Variants in RNF212 observed in about 807,000 individuals in gnomAD.
The protein encoded by RNF212 is probable E3 SUMO-protein ligase RNF212.
In RNF212, 33 loss-of-function variants were observed where a neutral mutation model predicts 34.7. The ratio of observed to expected loss-of-function variants is 0.95; its 90% CI spans 0.72 to 1.27. RNF212 has a LOEUF of 1.27. RNF212 is among the 50% of genes most tolerant of loss of function. The pLI is 0.00. For synonymous variants in RNF212, 140 were observed against 136.1 expected, an observed-to-expected ratio of 1.03 and a Z score of -0.20; for missense variants, 377 against 362.2, an observed-to-expected ratio of 1.04 and a Z score of -0.33.
chr4:1,063,010 A>G (rs1300920165), intron 3 of RNF212, among the ~76,000 whole-genome samples: 1 of 152,252 alleles, frequency 6.6e-6, no homozygotes, highest in Non-Finnish European at 1.5e-5. Flanking sequence ...GAAGTGCAAG[A>G]TTTCTTCACT....
intron 1 of RNF212, 47 bp downstream of exon 1, chr4:1,113,309 C>G: frequency 7.5e-7 from 1 of 1,331,982 alleles, no homozygotes; most frequent in Non-Finnish European, 1.0e-6. Flanking sequence ...CCCTGACCCC[C>G]TTGCCGCTCC....
intron 4 of RNF212, chr4:1,057,061 G>A (rs10003009): frequency 0.79 from 692,980 of 882,060 alleles, 273,596 homozygotes; most frequent in African/African-American, 0.94. Context: ...TGGTGACACG[G>A]TAGTTACAGC....
intron 8 of RNF212, among the ~76,000 whole-genome samples, chr4:1,077,389 G>T (rs546663978): frequency 6.6e-6 from 1 of 152,294 alleles, no homozygotes; most frequent in Admixed American, 6.5e-5. Flanking sequence ...TAGCCTGCCA[G>T]TCTTTTCTTT....
At chr4:1,093,256 C>A in intron 3 of RNF212, 1 of 542,874 alleles carries the variant, frequency 1.8e-6, no homozygotes, top group Non-Finnish European at 2.8e-6. Context: ...GAGAGCTTTG[C>A]TTATGTGGGT....
chr4:1,068,909 T>C (rs551244442), downstream of RNF212, among the ~76,000 whole-genome samples: 103 of 152,150 alleles, frequency 6.8e-4, no homozygotes, highest in Non-Finnish European at 1.1e-3. Flanking sequence ...CTGAACAAAA[T>C]AGAAATCTAT....
intron 2 of RNF212, chr4:1,107,228 T>G (rs1490419913): frequency 6.6e-6 from 1 of 151,648 alleles, no homozygotes; most frequent in East Asian, 1.9e-4. Context: ...ATTTTTTGTA[T>G]TTTTAGTAGA....
chr4:1,103,267 CA>C (rs550120996), intron 2 of RNF212, among the ~76,000 whole-genome samples: 1 of 152,102 alleles, frequency 6.6e-6, no homozygotes, highest in Non-Finnish European at 1.5e-5. Context: ...AATCTTTGCA[CA>C]AAAAACTTAC....
chr4:1,056,884 G>A (rs1438933523), intron 4 of RNF212: 12 of 987,816 alleles, frequency 1.2e-5, no homozygotes, highest in Middle Eastern at 2.8e-4. Flanking sequence ...TGGGCGGCCG[G>A]GGGGGCAGCC....
intron 3 of RNF212, among the ~76,000 whole-genome samples, chr4:1,095,580 T>G (rs1722948396): frequency 1.1e-5 from 1 of 90,466 alleles, no homozygotes; most frequent in African/African-American, 7.0e-5. Flanking sequence ...CTCCCACAGC[T>G]CCATGGTCTC....
chr4:1,057,000 G>A (rs1045711664), intron 4 of RNF212: 6 of 987,370 alleles, frequency 6.1e-6, no homozygotes, highest in Non-Finnish European at 7.2e-6. Context: ...TGCAGAGGTG[G>A]AATCCTAATA....
rs1267753333 is a variant in RNF212 at position 1,113,456 on chromosome 4, G to A, written c.9C>T (p.Asn3=). 1.2e-6 allele frequency: 2 copies of A among 1,606,858 alleles called. No homozygotes were observed. The highest frequency in any genetic ancestry group is 1.7e-6 in the Non-Finnish European group (2 of 1,177,720). The part of the protein sequence containing the change: MA[N]WVFCNRCFQP... ...GGAAGCAGCGATTACAGAACACCCAGTTGGCCATGCCAGGCGGGCGACCGC... is the reference window on the plus strand; with the variant it reads ...GGAAGCAGCGATTACAGAACACCCAATTGGCCATGCCAGGCGGGCGACCGC... The change falls in exon 1 of 10, where the codon AAC becomes AAT. Residue 3 remains asparagine, a synonymous_variant. Coordinates refer to ENST00000433731, the MANE Select transcript of RNF212 (RefSeq NM_001131034.4).
At chr4:1,089,928 G>A (rs745837976) in intron 4 of RNF212, among the ~76,000 whole-genome samples, 3 of 152,096 alleles carry the variant, frequency 2.0e-5, no homozygotes, top group Admixed American at 6.5e-5. Context: ...ATAAATTACC[G>A]AATCTCAGGT....
intron 2 of RNF212, among the ~76,000 whole-genome samples, chr4:1,102,556 CCAAAAATA>C (rs1291112658): frequency 1.1e-4 from 16 of 149,222 alleles, no homozygotes; most frequent in African/African-American, 3.2e-4. Context: ...ACTGTCTCTA[CCAAAAATA>C]CAAAAATACA....
At chr4:1,065,529 A>ATGATCAC (rs71299247) in intron 3 of RNF212, among the ~76,000 whole-genome samples, 120,366 of 151,340 alleles carry the variant, frequency 0.8, 48,330 homozygotes, top group African/African-American at 0.89. Context: ...GTGCAGTGGT[A>ATGATCAC]TGATCACTGC....
chr4:1,110,235 A>C (rs1467510447), intron 1 of RNF212, among the ~76,000 whole-genome samples: 1 of 152,210 alleles, frequency 6.6e-6, no homozygotes, highest in Non-Finnish European at 1.5e-5. Context: ...CCTCAATAAA[A>C]GGCTATGAGG....
chr4:1,073,720 C>T (rs541136688), intron 8 of RNF212, 58 bp from the exon 9 acceptor site: 16 of 1,114,866 alleles, frequency 1.4e-5, no homozygotes, highest in Non-Finnish European at 1.8e-5. Context: ...TTACGAGATT[C>T]GGACTCCCAC....
downstream of RNF212, among the ~76,000 whole-genome samples, chr4:1,069,301 T>C (rs1427053278): frequency 1.3e-5 from 2 of 152,210 alleles, no homozygotes; most frequent in Non-Finnish European, 2.9e-5. Context: ...CTCTTCTTTA[T>C]AGTAGAATGA....
rs186091888 is a variant in RNF212, at chr4:1,084,359, C to T, written c.362+1537G>A. ...TAGTAAATGTAGGAGGCTTTGCTGTCCACATAAGGTCTCCGTTGCAATGCG... is the reference window on the plus strand; with the variant it reads ...TAGTAAATGTAGGAGGCTTTGCTGTTCACATAAGGTCTCCGTTGCAATGCG... On this transcript the variant is annotated intron_variant, in intron 5 of 9. Coordinates refer to ENST00000433731, the MANE Select transcript of RNF212 (RefSeq NM_001131034.4). 1.9e-3 allele frequency among the ~76,000 whole-genome samples: 283 copies of T among 152,246 alleles called. 1 individual carries two copies. Among genetic ancestry groups the T allele is most frequent in the African/African-American group, 4.8e-3 (201 of 41,534 alleles).
At chr4:1,098,912 G>C (rs537279380) in intron 2 of RNF212, among the ~76,000 whole-genome samples, 5 of 152,148 alleles carry the variant, frequency 3.3e-5, no homozygotes, top group Non-Finnish European at 7.3e-5. Context: ...AGAGCTCCAT[G>C]GACCAGAAAT....
Sources: allele counts gnomAD v4.1 joint callset (sites outside exome capture counted in the v4.1 genomes callset), GRCh38; gene constraint gnomAD v4.1.1; transcripts MANE v1.5; gene names NCBI Gene and HGNC (gene_info 2026-07-23, HGNC 2026-07-21).